DNAH2: variants seen among roughly 807,000 people sequenced by gnomAD.
DNAH2 encodes the protein dynein axonemal heavy chain 2.
DNAH2 carries 323 observed loss-of-function variants against 523.5 expected under a neutral mutation model. The ratio of observed to expected loss-of-function variants is 0.62; its 90% CI spans 0.56 to 0.68. The LOEUF is 0.68. DNAH2 is among the 30% of genes least tolerant of loss of function. The probability of loss-of-function intolerance (pLI) is 0.00; values close to 1 mark genes in which losing one functional copy is unlikely to be tolerated. For missense variants in DNAH2, 4,907 were observed against 5,701.5 expected, an observed-to-expected ratio of 0.86 and a Z score of 4.49; for synonymous variants, 2,093 against 2,177.4, an observed-to-expected ratio of 0.96 and a Z score of 1.08.
At chr17:7,777,300 G>A in intron 32 of DNAH2, 146 bp from the exon 33 acceptor site, 1 of 846,516 alleles carries the variant, frequency 1.2e-6, no homozygotes, top group Non-Finnish European at 1.9e-6. Context: ...TCCAGTGGGG[G>A]CAGTCCGTGG....
At chr17:7,725,973 A>T (rs1394751032) in intron 3 of DNAH2, among the ~76,000 whole-genome samples, 1 of 152,004 alleles carries the variant, frequency 6.6e-6, no homozygotes, top group Non-Finnish European at 1.5e-5. Context: ...ACTGATCTGT[A>T]TCTTCATATC....
intron 3 of DNAH2, among the ~76,000 whole-genome samples, chr17:7,724,995 G>A (rs1286467845): frequency 1.3e-5 from 2 of 151,834 alleles, no homozygotes; most frequent in Admixed American, 6.6e-5. Context: ...CACCTGCCTC[G>A]GCCTCCCAAA....
chr17:7,784,075 A>C (rs1303413353), intron 39 of DNAH2, among the ~76,000 whole-genome samples: 1 of 152,142 alleles, frequency 6.6e-6, no homozygotes, highest in Non-Finnish European at 1.5e-5. Context: ...GGGTAGCAAT[A>C]TGGGACAACA....
At chr17:7,756,967 G>C in intron 12 of DNAH2, 124 bp from the exon 13 acceptor site, 1 of 1,412,580 alleles carries the variant, frequency 7.1e-7, no homozygotes, top group Non-Finnish European at 9.7e-7. Flanking sequence ...CACCATACCA[G>C]GCCTCTGCTT....
At chr17:7,804,933 A>G in intron 59 of DNAH2, 25 bp from the exon 60 acceptor site, 3 of 1,599,358 alleles carry the variant, frequency 1.9e-6, no homozygotes, top group Admixed American at 1.7e-5. Context: ...AAGACAAAAA[A>G]CCCTTGTCCT....
chr17:7,796,640 A>C lies in DNAH2; in HGVS notation c.7851A>C (p.Arg2617=). ...PTKMHYLFNL[R]DISKVFQGML... is the part of the protein sequence containing the mutation. ...AGATGCATTACCTCTTCAACCTTCGAGACATCTCCAAGGTGACTCGCGGCC... is the reference window on the plus strand; with the variant it reads ...AGATGCATTACCTCTTCAACCTTCGCGACATCTCCAAGGTGACTCGCGGCC... Residue 2617 remains arginine (R), a synonymous_variant, in exon 50 of 86, where the codon CGA becomes CGC. Coordinates refer to ENST00000572933, the MANE Select transcript of DNAH2 (RefSeq NM_020877.5). 8 of 1,611,580 alleles carry C rather than the reference A, an allele frequency of 5.0e-6. No homozygotes were observed. Among genetic ancestry groups the C allele is most frequent in the Non-Finnish European group, 6.8e-6 (8 of 1,179,324 alleles).
Position 7,798,392 on chromosome 17 carries a change from A to G in DNAH2, c.8398+68A>G. ...GCATACATTCCTGCAGTGACAAGAG[A>G]GGAGAGATGGCAGCCAGATGGGCAG... is the stretch of plus-strand genomic sequence containing the variant. On this transcript the variant is annotated intron_variant, in intron 54 of 85. Transcript: ENST00000572933. This position sits in a 1 kb window ranked among gnomAD's most constrained non-coding sequence, Gnocchi z 5.5. 6.4e-7 allele frequency: 1 copy of G among 1,552,794 alleles called. No individual in the cohort carries two copies.
intron 35 of DNAH2, among the ~76,000 whole-genome samples, 199 bp downstream of exon 35, chr17:7,778,668 G>A (rs62059685): frequency 0.25 from 38,412 of 151,996 alleles, 5,732 homozygotes; most frequent in Non-Finnish European, 0.34. Flanking sequence ...TGCTGGGTTC[G>A]GGCAATTCTC....
intron 57 of DNAH2, 82 bp downstream of exon 57, chr17:7,801,792 C>G: frequency 6.2e-7 from 1 of 1,609,092 alleles, no homozygotes; most frequent in Non-Finnish European, 8.5e-7. Context: ...CCCCCGGCCT[C>G]TCTCCTTCCC....
intron 4 of DNAH2, among the ~76,000 whole-genome samples, chr17:7,727,548 G>A (rs1011913445): frequency 7.9e-5 from 12 of 152,102 alleles, no homozygotes; most frequent in African/African-American, 2.9e-4. Context: ...ATGAGGTCAG[G>A]AGATCGGGAA....
intron 39 of DNAH2, among the ~76,000 whole-genome samples, chr17:7,782,680 A>G (rs1179718472): frequency 1.3e-5 from 2 of 152,140 alleles, no homozygotes; most frequent in Non-Finnish European, 2.9e-5. Context: ...ATTGAAACTG[A>G]TAGGGGCGAG....
chr17:7,804,295 CA>C lies in DNAH2; in HGVS notation c.9014del (p.Asn3005IlefsTer19). On this transcript the variant is annotated frameshift_variant, in exon 59 of 86. Transcript: ENST00000572933. LOFTEE classifies it high-confidence loss of function. ...EKRQELLAQA[N>X]KLRTGLFKID... ...AACGGCAGGAGCTGCTGGCCCAAGC[CA>C]ATAAACTGCGGACAGGCTTGTTCAA... 6.2e-7 allele frequency: 1 copy of C among 1,614,166 alleles called. No individual in the cohort carries two copies. The highest frequency in any genetic ancestry group is 8.5e-7 in the Non-Finnish European group (1 of 1,180,042).
Position 7,740,918 on chromosome 17 carries a change from C to A in DNAH2, c.1615C>A (p.Pro539Thr). ...GAACAAGAAATGGCCAGACCTGGAG[C>A]CCTACGTGGCCCAGTATTCCGGAAA... ...ERNKKWPDLE[P>T]YVAQYSGKAR... Residue 539 changes from proline to threonine, a missense_variant, in exon 11 of 86, where the codon CCC becomes ACC. By Grantham distance (38) the Pro-to-Thr change is conservative (BLOSUM62 -1). Around this residue, in one of 3 missense-constraint regions of DNAH2, gnomAD observed 2,806 missense variants for 3,190.8 expected, o/e 0.88. Coordinates refer to ENST00000572933, the MANE Select transcript of DNAH2 (RefSeq NM_020877.5). 6.2e-7 allele frequency: 1 copy of A among 1,613,778 alleles called. No homozygotes were observed. Among genetic ancestry groups the A allele is most frequent in the Non-Finnish European group, 8.5e-7 (1 of 1,179,664 alleles).
rs373395178 is a variant in DNAH2, at chr17:7,792,027, C to T, written c.7011C>T (p.Ile2337=). 79 of 1,613,522 alleles carry T rather than the reference C, an allele frequency of 4.9e-5. No homozygotes were observed. The highest frequency in any genetic ancestry group is 1.9e-4 in the South Asian group (17 of 91,006). ...TGGATGAGGAGGGCCGGAAGAGGAT[C>T]GACAGCTACCTCCGAGAGATCGAGG... is the stretch of plus-strand genomic sequence containing the variant. The part of the protein sequence containing the change: ...ASVDEEGRKR[I]DSYLREIEGS... The change falls in exon 45 of 86, where the codon ATC becomes ATT. Residue 2337 remains isoleucine, a synonymous_variant. Coordinates refer to ENST00000572933, the MANE Select transcript of DNAH2 (RefSeq NM_020877.5).
chr17:7,758,819 G>C (rs1391284956), intron 14 of DNAH2, 66 bp from the exon 15 acceptor site: 1 of 1,594,142 alleles, frequency 6.3e-7, no homozygotes, highest in African/African-American at 1.3e-5. Flanking sequence ...CAAGTGGGAG[G>C]GTAGAATGAG....
At chr17:7,795,661 A>G (rs2077040289) in intron 49 of DNAH2, among the ~76,000 whole-genome samples, 1 of 96,612 alleles carries the variant, frequency 1.0e-5, no homozygotes, top group Non-Finnish European at 2.5e-5. Context: ...ATATATATAT[A>G]TATAATATTT....
rs748546331 is a variant in DNAH2 at position 7,817,812 on chromosome 17, C to T, written c.10192C>T (p.Gln3398Ter). The T allele has an allele frequency of 1.9e-6, 3 of 1,614,120 alleles. No homozygotes were observed. Among genetic ancestry groups the T allele is most frequent in the Non-Finnish European group, 2.5e-6 (3 of 1,180,018 alleles). The stretch of plus-strand genomic sequence containing the variant: ...CAGGTGGGCACTGATGATCGACCCT[C>T]AGGCCCAGGCCCTGAAATGGATTAA... ...GNRWALMIDP[Q>*]AQALKWIKNM... The change falls in exon 67 of 86, where the codon CAG becomes TAG. Residue 3398 changes from glutamine to a stop codon, truncating the protein, a stop_gained. Transcript: ENST00000572933. LOFTEE classifies it high-confidence loss of function.
chr17:7,780,410 G>C lies in DNAH2; in HGVS notation c.5850+126G>C. ...TAAGGAACTTAGACTATTGTCAGTA[G>C]GATGTGTGGGGAGAAAAATTTAGGG... On this transcript the variant is annotated intron_variant, in intron 37 of 85. Transcript: ENST00000572933. This position sits in a 1 kb window ranked among gnomAD's most constrained non-coding sequence, Gnocchi z 4.4. 2.7e-6 allele frequency: 4 copies of C among 1,480,684 alleles called. No individual in the cohort carries two copies. The South Asian group carries it at 3.6e-5, about 13-fold the overall frequency. The allele number at this position is 1,480,684 out of a possible 1,614,324, so 91.7% of individuals were successfully genotyped here.
chr17:7,787,121 A>C, intron 42 of DNAH2, 88 bp downstream of exon 42: 945 of 1,498,240 alleles, frequency 6.3e-4, no homozygotes, highest in Non-Finnish European at 8.1e-4. Context: ...CAGAAATCTC[A>C]GAGCAGGGCA....
Sources: gnomAD v4.1 joint callset for allele counts (sites outside exome capture counted in the v4.1 genomes callset) on GRCh38, gnomAD v4.1.1 for gene constraint, gnomAD v4.1.1 regional missense constraint, Gnocchi (gnomAD v3.1) non-coding constraint, MANE v1.5 for transcripts, NCBI Gene and HGNC (gene_info 2026-07-23, HGNC 2026-07-21) for gene names.